Variants in FAM107A observed in about 807,000 individuals in gnomAD.
The protein encoded by FAM107A is actin-associated protein FAM107A.
In FAM107A, 19 loss-of-function variants were observed where a neutral mutation model predicts 13.7. That is an observed-to-expected ratio of 1.38 (90% CI 0.97 to 2.03). FAM107A has a LOEUF of 2.03. Ranked by LOEUF, FAM107A falls within the 30% of genes most tolerant of loss-of-function variation. The probability of loss-of-function intolerance (pLI) is 0.00; values close to 1 mark genes in which losing one functional copy is unlikely to be tolerated. For synonymous variants in FAM107A, 82 were observed against 74.5 expected (o/e 1.10, Z -0.52); for missense variants, 203 against 184.4 (o/e 1.10, Z -0.58).
chr3:58,565,973 T>TGGGGAGGGGATGATGAAA lies in FAM107A; in HGVS notation c.*614_*615insTTTCATCATCCCCTCCCC. 6.6e-6 allele frequency: 1 copy of TGGGGAGGGGATGATGAAA among 152,288 alleles called. No homozygotes were observed. The highest frequency in any genetic ancestry group is 2.4e-5 in the African/African-American group (1 of 41,524). The allele number at this position is 152,288 out of a possible 1,614,324, so 9.4% of individuals were successfully genotyped here. A position where few individuals can be genotyped will look rare whatever the true frequency, so the allele number is the denominator to read the frequency against. On this transcript the variant is annotated 3_prime_UTR_variant, in exon 4 of 4. Transcript: ENST00000360997. The stretch of plus-strand genomic sequence containing the variant: ...TTAGAAGGCCTGGACGGGGAGGCTG[T>TGGGGAGGGGATGATGAAA]GCGGAGGGGATGATGAAAGCATGGG...
chr3:58,607,447 C>A (rs1488775710), intron 1 of FAM107A, among the ~76,000 whole-genome samples: 3 of 152,062 alleles, frequency 2.0e-5, no homozygotes, highest in African/African-American at 7.2e-5. Flanking sequence ...CCTGTGCTGA[C>A]CCTTTGGTGT....
chr3:58,597,446 T>G (rs1335947643), intron 1 of FAM107A, among the ~76,000 whole-genome samples: 1 of 152,222 alleles, frequency 6.6e-6, no homozygotes, highest in Non-Finnish European at 1.5e-5. Flanking sequence ...AATTTGGAGC[T>G]CAGGGTATTT....
chr3:58,577,356 G>C lies in FAM107A; in HGVS notation c.-53C>G. ...AGGGAAGTCAGGAGCGTGTTGCTGG[G>C]TTCCTCACTCCACCGGGAAGTCCCA... On this transcript the variant is annotated 5_prime_UTR_variant, in exon 1 of 4. Transcript: ENST00000360997. This position sits in a 1 kb window ranked among gnomAD's most constrained non-coding sequence, Gnocchi z 4.9. 2 of 985,444 alleles carry C rather than the reference G, an allele frequency of 2.0e-6. No individual in the cohort carries two copies. The highest frequency in any genetic ancestry group is 1.2e-6 in the Non-Finnish European group (1 of 829,970). The allele number at this position is 985,444 out of a possible 1,614,324, so 61.0% of individuals were successfully genotyped here. A position where few individuals can be genotyped will look rare whatever the true frequency, so the allele number is the denominator to read the frequency against.
intron 1 of FAM107A, among the ~76,000 whole-genome samples, chr3:58,585,942 C>A (rs1468000086): frequency 6.6e-6 from 1 of 152,192 alleles, no homozygotes; most frequent in Non-Finnish European, 1.5e-5. Context: ...TTACTGCAAA[C>A]AAGCAAACAA....
chr3:58,609,811 A>T (rs931759882), intron 1 of FAM107A, among the ~76,000 whole-genome samples: 1 of 152,202 alleles, frequency 6.6e-6, no homozygotes, highest in African/African-American at 2.4e-5. Flanking sequence ...ACCTCTTCCT[A>T]CAGCAGGTCT....
At chr3:58,622,618 G>A (rs1416465795) in intron 1 of FAM107A, among the ~76,000 whole-genome samples, 2 of 152,212 alleles carry the variant, frequency 1.3e-5, no homozygotes, top group Non-Finnish European at 2.9e-5. Flanking sequence ...ACAAGAGCAG[G>A]TGGGGCAAGC....
chr3:58,579,827 C>T (rs567137465), upstream of FAM107A, among the ~76,000 whole-genome samples: 2 of 152,330 alleles, frequency 1.3e-5, no homozygotes, highest in African/African-American at 4.8e-5. Flanking sequence ...GCGTCATTTT[C>T]CGTGGGCAGT....
At chr3:58,584,265 GA>G (rs1316096510) in intron 1 of FAM107A, among the ~76,000 whole-genome samples, 1 of 152,184 alleles carries the variant, frequency 6.6e-6, no homozygotes, top group African/African-American at 2.4e-5. Context: ...TGCTCCCTGA[GA>G]GGAGGGGCAG....
At chr3:58,610,845 C>T (rs1182688241) in intron 1 of FAM107A, among the ~76,000 whole-genome samples, 1 of 152,184 alleles carries the variant, frequency 6.6e-6, no homozygotes, top group Admixed American at 6.5e-5. Flanking sequence ...GATAATGCTG[C>T]CTCTGGTCTG....
At position 58,577,270 on chromosome 3, in the gene FAM107A, C is replaced by G; in HGVS notation, c.-6+39G>C. On this transcript the variant is annotated intron_variant, in intron 1 of 3. Transcript: ENST00000360997. The surrounding 1 kb of genome is among the most constrained non-coding windows in gnomAD (Gnocchi z 4.9). ...TTCCACCTCCTCCCGAACGGCACCG[C>G]TCTCAACAGCAGATGAAACAGAACA... 3.1e-6 allele frequency: 3 copies of G among 965,082 alleles called. No individual in the cohort carries two copies. Among genetic ancestry groups the G allele is most frequent in the Non-Finnish European group, 3.7e-6 (3 of 811,292 alleles). 59.8% of individuals were successfully genotyped at this position (965,082 alleles called of 1,614,324 possible).
intron 1 of FAM107A, chr3:58,573,426 T>C (rs1300486804): frequency 6.6e-6 from 1 of 152,358 alleles, no homozygotes; most frequent in East Asian, 1.9e-4. Flanking sequence ...CCAGGCTGTC[T>C]TGGGCGGTCA....
intron 1 of FAM107A, among the ~76,000 whole-genome samples, chr3:58,572,592 G>A (rs542435043): frequency 3.9e-5 from 6 of 152,294 alleles, no homozygotes; most frequent in East Asian, 3.9e-4. Context: ...GAGGGTGGAC[G>A]GGTGGGTTCA....
chr3:58,587,189 A>G, upstream of FAM107A: 1 of 1,132,650 alleles, frequency 8.8e-7, no homozygotes, highest in Non-Finnish European at 1.1e-6. Flanking sequence ...TGCAGTGAGG[A>G]CTCCTAGCCC....
chr3:58,604,491 G>T lies in FAM107A; in HGVS notation c.-69-15222C>A, dbSNP rs1349407936. On this transcript the variant is annotated intron_variant, in intron 1 of 3. Transcript: ENST00000465970. The surrounding 1 kb of genome is among the most constrained non-coding windows in gnomAD (Gnocchi z 4.1). ...GAAACTGAGGCACAGAGCACTGAGGGACTCGCACAGTGAGTTAGTGGCAGG... is the reference window on the plus strand; with the variant it reads ...GAAACTGAGGCACAGAGCACTGAGGTACTCGCACAGTGAGTTAGTGGCAGG... Among the ~76,000 whole-genome samples the T allele has an allele frequency of 1.3e-5, 2 of 152,098 alleles. No individual in the cohort carries two copies. The highest frequency in any genetic ancestry group is 4.8e-5 in the African/African-American group (2 of 41,408).
upstream of FAM107A, among the ~76,000 whole-genome samples, chr3:58,579,829 G>A (rs188816814): frequency 2.6e-5 from 4 of 152,310 alleles, no homozygotes; most frequent in East Asian, 1.9e-4. Flanking sequence ...GTCATTTTCC[G>A]TGGGCAGTTG....
upstream of FAM107A, among the ~76,000 whole-genome samples, chr3:58,580,236 A>G (rs1017048577): frequency 1.3e-5 from 2 of 151,956 alleles, no homozygotes; most frequent in East Asian, 1.9e-4. Flanking sequence ...TTTTTTCAAG[A>G]TAAAAAAGTT....
intron 1 of FAM107A, among the ~76,000 whole-genome samples, chr3:58,576,731 G>A (rs932476065): frequency 6.6e-6 from 1 of 152,202 alleles, no homozygotes; most frequent in African/African-American, 2.4e-5. Context: ...GTTAACCTGC[G>A]TGCACTATGT....
rs1214320548 is a variant in FAM107A, at chr3:58,585,484, C to T, written c.79+1374G>A. On this transcript the variant is annotated intron_variant, in intron 1 of 3. Coordinates refer to the FAM107A transcript ENST00000447756. ...AGTAACTGGGTGGCGGGATCTCCCC[C>T]AGGCGGGGCTTAAGCGGGAAGGGCG... Among the ~76,000 whole-genome samples, 4 of 152,262 alleles carry T rather than the reference C, an allele frequency of 2.6e-5. No homozygotes were observed. In the South Asian group the frequency reaches 6.2e-4, roughly 24 times the overall value.
At chr3:58,619,774 T>G (rs1174908037) in intron 1 of FAM107A, among the ~76,000 whole-genome samples, 8 of 152,368 alleles carry the variant, frequency 5.3e-5, no homozygotes, top group South Asian at 2.1e-4. Context: ...CCAGTCAACA[T>G]TTGTTGAATA....
Sources: gnomAD v4.1 joint callset for allele counts (sites outside exome capture counted in the v4.1 genomes callset) on GRCh38, gnomAD v4.1.1 for gene constraint, Gnocchi (gnomAD v3.1) non-coding constraint, MANE v1.5 for transcripts, NCBI Gene and HGNC (gene_info 2026-07-23, HGNC 2026-07-21) for gene names.